Variants in TDRD5 observed in about 807,000 individuals in gnomAD.
TDRD5 encodes tudor domain containing 5.
A neutral mutation model predicts 120.6 loss-of-function variants in TDRD5; 41 were observed. That is an observed-to-expected ratio of 0.34 (90% CI 0.26 to 0.44). TDRD5 has a LOEUF of 0.44. Ranked by LOEUF, TDRD5 falls within the 20% of genes least tolerant of loss-of-function variation. The pLI is 1.00. For synonymous variants in TDRD5, 430 were observed against 433.7 expected, an observed-to-expected ratio of 0.99 and a Z score of 0.11; for missense variants, 1,006 against 1,221.2, an observed-to-expected ratio of 0.82 and a Z score of 2.63.
intron 14 of TDRD5, among the ~76,000 whole-genome samples, chr1:179,655,702 A>G (rs1411994611): frequency 6.6e-6 from 1 of 152,184 alleles, no homozygotes; most frequent in Non-Finnish European, 1.5e-5. Flanking sequence ...GTAGAATCAT[A>G]TAGTATGTAA....
At chr1:179,623,970 G>A (rs1284043898) in intron 6 of TDRD5, among the ~76,000 whole-genome samples, 2 of 151,988 alleles carry the variant, frequency 1.3e-5, no homozygotes, top group Non-Finnish European at 2.9e-5. Context: ...ACATTGTCCT[G>A]CTACTAAAGC....
intron 9 of TDRD5, among the ~76,000 whole-genome samples, chr1:179,639,096 G>C (rs746318063): frequency 2.6e-5 from 4 of 152,242 alleles, no homozygotes; most frequent in Admixed American, 2.0e-4. Context: ...TTGATCAGTA[G>C]TGTGGTATAA....
intron 14 of TDRD5, 122 bp downstream of exon 14, chr1:179,654,484 G>A: frequency 1.8e-6 from 2 of 1,113,266 alleles, no homozygotes; most frequent in Admixed American, 3.1e-5. Context: ...AAATTCTTAG[G>A]CCAAGTGCAA....
chr1:179,600,516 A>T (rs1675649406), intron 4 of TDRD5, among the ~76,000 whole-genome samples: 1 of 152,232 alleles, frequency 6.6e-6, no homozygotes, highest in Admixed American at 6.5e-5. Flanking sequence ...CAACAATGAA[A>T]TCACCTAATA....
chr1:179,615,512 CA>C (rs1274757898), intron 4 of TDRD5, among the ~76,000 whole-genome samples: 1 of 152,068 alleles, frequency 6.6e-6, no homozygotes, highest in Non-Finnish European at 1.5e-5. Flanking sequence ...CTGAATATAG[CA>C]TATTTTATCA....
At chr1:179,668,234 C>G (rs1048409034) in intron 16 of TDRD5, among the ~76,000 whole-genome samples, 1 of 152,178 alleles carries the variant, frequency 6.6e-6, no homozygotes, top group Non-Finnish European at 1.5e-5. Context: ...TTCTCTCAAA[C>G]CCTGGCCTTT....
chr1:179,632,612 T>C (rs1677519799), intron 7 of TDRD5, among the ~76,000 whole-genome samples: 1 of 152,296 alleles, frequency 6.6e-6, no homozygotes, highest in Admixed American at 6.5e-5. Flanking sequence ...AGATCTTTTT[T>C]TTTAATCACA....
intron 6 of TDRD5, among the ~76,000 whole-genome samples, chr1:179,621,298 A>T (rs940151189): frequency 1.3e-5 from 2 of 152,106 alleles, no homozygotes; most frequent in Non-Finnish European, 2.9e-5. Flanking sequence ...TTTACCACTT[A>T]TTGTTATAAT....
At chr1:179,675,490 A>G (rs1478021999) in intron 17 of TDRD5, among the ~76,000 whole-genome samples, 5 of 150,946 alleles carry the variant, frequency 3.3e-5, no homozygotes, top group Non-Finnish European at 5.9e-5. Context: ...CGTGTTAGCC[A>G]GGATGGTCTC....
At position 179,592,703 on chromosome 1, in the gene TDRD5, G is replaced by A; in HGVS notation, c.88G>A (p.Glu30Lys). The A allele has an allele frequency of 6.2e-7, 1 of 1,614,112 alleles. No homozygotes were observed. ...ISTKDGLSPQ[E>K]LEKEYLLMVG... Reference sequence around the variant, plus strand: ...CACCAAAGATGGTTTGAGCCCACAGGAGTTGGAGAAGGAGTACCTTTTGAT... The same window carrying A: ...CACCAAAGATGGTTTGAGCCCACAGAAGTTGGAGAAGGAGTACCTTTTGAT... Residue 30 changes from glutamate (E) to lysine (K), a missense_variant, in exon 2 of 18, where the codon GAG (glutamate) becomes AAG (lysine). This residue lies in a region of TDRD5 where 445 missense variants were observed against 515.5 expected (regional missense o/e 0.86). Transcript: ENST00000444136.
At chr1:179,596,130 T>C (rs755448175) in intron 4 of TDRD5, among the ~76,000 whole-genome samples, 3 of 152,222 alleles carry the variant, frequency 2.0e-5, no homozygotes, top group Non-Finnish European at 4.4e-5. Context: ...CTCACAAATA[T>C]CTTCTGAATG....
At chr1:179,610,597 C>T (rs1423707300) in intron 4 of TDRD5, among the ~76,000 whole-genome samples, 1 of 152,072 alleles carries the variant, frequency 6.6e-6, no homozygotes, top group African/African-American at 2.4e-5. Context: ...TGGTTATTAA[C>T]TCAAATGTCA....
intron 11 of TDRD5, among the ~76,000 whole-genome samples, chr1:179,649,497 T>C (rs1481738935): frequency 6.6e-6 from 1 of 152,144 alleles, no homozygotes; most frequent in Non-Finnish European, 1.5e-5. Context: ...ATTTACTCTT[T>C]AATTATATCT....
chr1:179,621,175 A>G (rs1572356268), intron 6 of TDRD5, 84 bp downstream of exon 6: 1 of 1,216,672 alleles, frequency 8.2e-7, no homozygotes, highest in Non-Finnish European at 1.2e-6. Flanking sequence ...TACTCCTTGG[A>G]TTCTCCAGGT....
chr1:179,635,613 A>C, intron 8 of TDRD5, 54 bp from the exon 9 acceptor site: 2 of 1,495,154 alleles, frequency 1.3e-6, no homozygotes, highest in African/African-American at 1.4e-5. Context: ...GAAACATGCC[A>C]TGGGGTTTGA....
chr1:179,634,666 G>A (rs539761669), intron 8 of TDRD5, 37 bp downstream of exon 8: 12 of 1,553,966 alleles, frequency 7.7e-6, no homozygotes, highest in Non-Finnish European at 9.5e-6. Flanking sequence ...TGGAGATTCA[G>A]CATTATGGAA....
chr1:179,657,125 T>C (rs1182034020), intron 14 of TDRD5, among the ~76,000 whole-genome samples: 2 of 152,190 alleles, frequency 1.3e-5, no homozygotes, highest in East Asian at 3.9e-4. Context: ...GTTTTTAATA[T>C]TTTGGTTCCT....
intron 11 of TDRD5, among the ~76,000 whole-genome samples, chr1:179,646,443 G>GGGAT (rs1243759397): frequency 5.3e-5 from 8 of 151,978 alleles, no homozygotes; most frequent in African/African-American, 1.7e-4. Context: ...AGGTATTGAT[G>GGGAT]GGATGTATCT....
intron 15 of TDRD5, 123 bp from the exon 16 acceptor site, chr1:179,663,225 A>G: frequency 1.7e-6 from 2 of 1,165,790 alleles, no homozygotes; most frequent in Non-Finnish European, 2.4e-6. Flanking sequence ...TGATATAGAA[A>G]GTTAATAAAT....
Sources: gnomAD v4.1 joint callset for allele counts (sites outside exome capture counted in the v4.1 genomes callset) on GRCh38, gnomAD v4.1.1 for gene constraint, gnomAD v4.1.1 regional missense constraint, MANE v1.5 for transcripts, NCBI Gene and HGNC (gene_info 2026-07-23, HGNC 2026-07-21) for gene names.